EYS: variants seen among roughly 807,000 people sequenced by gnomAD.
The protein encoded by EYS is protein eyes shut homolog.
EYS carries 250 observed loss-of-function variants against 282.1 expected under a neutral mutation model. That is an observed-to-expected ratio of 0.89 (90% CI 0.80 to 0.98). The LOEUF (loss-of-function observed/expected upper bound fraction) is 0.98, where lower values mean the gene tolerates loss of function less well. Ranked by LOEUF, EYS falls within the 50% of genes least tolerant of loss-of-function variation. EYS has a pLI of 0.00. For missense variants in EYS, 4,016 were observed against 3,709.0 expected (o/e 1.08, Z -2.15); for synonymous variants, 1,355 against 1,282.9 (o/e 1.06, Z -1.20).
At chr6:65,169,652 T>G (rs1765057725) in intron 12 of EYS, among the ~76,000 whole-genome samples, 1 of 151,428 alleles carries the variant, frequency 6.6e-6, no homozygotes, top group African/African-American at 2.4e-5. Context: ...GTGGAAACTT[T>G]TAAAGGCAAA....
At chr6:64,386,976 T>C (rs1030355625) in intron 29 of EYS, among the ~76,000 whole-genome samples, 1 of 152,106 alleles carries the variant, frequency 6.6e-6, no homozygotes, top group African/African-American at 2.4e-5. Flanking sequence ...ATGTAATGTA[T>C]AGTATATGTA....
At chr6:64,757,570 T>C (rs941299671) in intron 22 of EYS, among the ~76,000 whole-genome samples, 1 of 152,138 alleles carries the variant, frequency 6.6e-6, no homozygotes, top group Non-Finnish European at 1.5e-5. Flanking sequence ...TTAAAATGTA[T>C]GCATCTGCTT....
chr6:64,056,506 G>A (rs1770989974), intron 33 of EYS, among the ~76,000 whole-genome samples: 1 of 152,084 alleles, frequency 6.6e-6, no homozygotes, highest in African/African-American at 2.4e-5. Context: ...CATTCTAAGA[G>A]GCTACACCAA....
At chr6:64,674,797 T>G (rs979673069) in intron 22 of EYS, among the ~76,000 whole-genome samples, 8 of 151,122 alleles carry the variant, frequency 5.3e-5, no homozygotes, top group African/African-American at 1.9e-4. Flanking sequence ...TACACACACA[T>G]ACATATACTT....
At chr6:65,602,637 A>C (rs1163306082) in intron 2 of EYS, among the ~76,000 whole-genome samples, 1 of 151,990 alleles carries the variant, frequency 6.6e-6, no homozygotes, top group Admixed American at 6.6e-5. Flanking sequence ...TGTTTTGTAT[A>C]TTAAATAAAA....
intron 24 of EYS, among the ~76,000 whole-genome samples, chr6:64,610,048 TATG>T (rs1285348031): frequency 6.6e-6 from 1 of 152,112 alleles, no homozygotes; most frequent in Non-Finnish European, 1.5e-5. Flanking sequence ...ATTCTGTAAG[TATG>T]GGCATTTAAA....
intron 31 of EYS, among the ~76,000 whole-genome samples, chr6:64,122,914 C>G (rs114958016): frequency 4.0e-4 from 59 of 149,002 alleles, no homozygotes; most frequent in African/African-American, 1.4e-3. Context: ...GCTTACAAAG[C>G]ATTTTTTTTT....
intron 12 of EYS, among the ~76,000 whole-genome samples, chr6:65,262,659 A>T (rs1394243634): frequency 6.6e-6 from 1 of 152,148 alleles, no homozygotes; most frequent in Non-Finnish European, 1.5e-5. Flanking sequence ...CAATAAGAAC[A>T]ACAATAACAC....
intron 4 of EYS, among the ~76,000 whole-genome samples, chr6:65,492,963 C>G (rs1019313132): frequency 6.6e-6 from 1 of 152,138 alleles, no homozygotes; most frequent in Non-Finnish European, 1.5e-5. Flanking sequence ...ATCGCCCAGG[C>G]TGGAGTGCAA....
At chr6:63,829,649 G>C (rs1232248291) in intron 36 of EYS, among the ~76,000 whole-genome samples, 1 of 152,180 alleles carries the variant, frequency 6.6e-6, no homozygotes, top group South Asian at 2.1e-4. Context: ...GGGCATAGCT[G>C]AACAAAAGGC....
At chr6:65,283,834 T>C (rs950398049) in intron 12 of EYS, among the ~76,000 whole-genome samples, 3 of 152,130 alleles carry the variant, frequency 2.0e-5, no homozygotes, top group African/African-American at 7.2e-5. Context: ...GTTGCAAATT[T>C]TTATGGGCTG....
At chr6:64,970,014 C>G (rs926149932) in intron 14 of EYS, among the ~76,000 whole-genome samples, 1 of 151,970 alleles carries the variant, frequency 6.6e-6, no homozygotes, top group Non-Finnish European at 1.5e-5. Context: ...ACAGTTGTTC[C>G]ATGAACAACA....
At chr6:64,037,562 T>C (rs994855460) in intron 33 of EYS, among the ~76,000 whole-genome samples, 2 of 152,182 alleles carry the variant, frequency 1.3e-5, no homozygotes, top group Admixed American at 1.3e-4. Flanking sequence ...GCAAAGATTA[T>C]GAGAAATATG....
At chr6:64,130,222 A>C (rs948024605) in intron 31 of EYS, among the ~76,000 whole-genome samples, 1 of 152,230 alleles carries the variant, frequency 6.6e-6, no homozygotes, top group Non-Finnish European at 1.5e-5. Flanking sequence ...AAAGACTTGG[A>C]ACCAACCCAA....
chr6:65,497,250 A>G (rs1766288719), intron 2 of EYS, among the ~76,000 whole-genome samples: 1 of 152,102 alleles, frequency 6.6e-6, no homozygotes, highest in Non-Finnish European at 1.5e-5. Flanking sequence ...AATGGAAGGA[A>G]TTAAGAACTC....
intron 42 of EYS, among the ~76,000 whole-genome samples, chr6:63,722,675 C>T (rs1283143785): frequency 6.6e-6 from 1 of 152,102 alleles, no homozygotes; most frequent in Non-Finnish European, 1.5e-5. Context: ...CTGAAATTTC[C>T]CAACCTTTTT....
intron 35 of EYS, among the ~76,000 whole-genome samples, chr6:63,976,164 C>T (rs1432842546): frequency 6.6e-6 from 1 of 152,016 alleles, no homozygotes; most frequent in Non-Finnish European, 1.5e-5. Context: ...CTGCAGGTTG[C>T]CCTGGGTGAA....
intron 12 of EYS, among the ~76,000 whole-genome samples, chr6:65,229,610 G>A (rs1244503061): frequency 6.6e-6 from 1 of 151,866 alleles, no homozygotes; most frequent in Non-Finnish European, 1.5e-5. Flanking sequence ...AGTGCAGATG[G>A]GTGTGGTTTT....
intron 12 of EYS, among the ~76,000 whole-genome samples, chr6:65,076,531 A>G (rs1282654194): frequency 6.6e-6 from 1 of 152,062 alleles, no homozygotes; most frequent in Non-Finnish European, 1.5e-5. Context: ...ATCCTGGGAT[A>G]TAGAGCTAAA....
Sources: allele counts gnomAD v4.1 joint callset (sites outside exome capture counted in the v4.1 genomes callset), GRCh38; gene constraint gnomAD v4.1.1; transcripts MANE v1.5; gene names NCBI Gene and HGNC (gene_info 2026-07-23, HGNC 2026-07-21).